The following C1orf21 variants were observed in gnomAD, a reference collection of about 807,000 sequenced individuals.
The protein encoded by C1orf21 is uncharacterized protein C1orf21.
In C1orf21, 3 loss-of-function variants were observed where a neutral mutation model predicts 18.7. That is an observed-to-expected ratio of 0.16 (90% CI 0.07 to 0.42). C1orf21 has a LOEUF of 0.42. C1orf21 is among the 10% of genes least tolerant of loss of function. The pLI is 0.99. For missense variants in C1orf21, 104 were observed against 143.6 expected (o/e 0.72, Z 1.41); for synonymous variants, 41 against 46.4 (o/e 0.88, Z 0.47).
At chr1:184,513,934 G>T (rs890700263) in intron 3 of C1orf21, among the ~76,000 whole-genome samples, 3 of 152,200 alleles carry the variant, frequency 2.0e-5, no homozygotes, top group African/African-American at 4.8e-5. Flanking sequence ...TGTGATCAGT[G>T]CAGAAGGTGA....
At chr1:184,452,172 G>T (rs7550048) in intron 1 of C1orf21, among the ~76,000 whole-genome samples, 4,908 of 152,282 alleles carry the variant, frequency 0.032, 233 homozygotes, top group African/African-American at 0.11. Flanking sequence ...GAAGCTTTTG[G>T]TGGAGAGCTT....
chr1:184,397,511 A>G (rs979797959), intron 1 of C1orf21, among the ~76,000 whole-genome samples: 17 of 150,952 alleles, frequency 1.1e-4, no homozygotes, highest in East Asian at 8.0e-4. Context: ...TCGTGAACCC[A>G]GGAGGCAGAG....
chr1:184,511,629 G>A (rs1658147629), intron 3 of C1orf21, among the ~76,000 whole-genome samples: 1 of 152,192 alleles, frequency 6.6e-6, no homozygotes, highest in Admixed American at 6.5e-5. Context: ...CAAGTTGATG[G>A]CTGAATGCTT....
chr1:184,406,131 T>C (rs2101959481), intron 1 of C1orf21, among the ~76,000 whole-genome samples: 1 of 152,348 alleles, frequency 6.6e-6, no homozygotes, highest in African/African-American at 2.4e-5. Context: ...ACATGTGTTT[T>C]GATTTTTCAC....
At chr1:184,616,671 T>A (rs1017305013) in intron 5 of C1orf21, among the ~76,000 whole-genome samples, 2 of 152,120 alleles carry the variant, frequency 1.3e-5, no homozygotes, top group Admixed American at 6.6e-5. Flanking sequence ...TGTGTGTGCA[T>A]GTGTGCACGT....
At chr1:184,390,481 T>A (rs1655955091) in intron 1 of C1orf21, among the ~76,000 whole-genome samples, 1 of 152,232 alleles carries the variant, frequency 6.6e-6, no homozygotes, top group African/African-American at 2.4e-5. Flanking sequence ...TCCAGTTTTT[T>A]AGGAACATAT....
At chr1:184,573,681 T>C (rs931889989) in intron 3 of C1orf21, among the ~76,000 whole-genome samples, 1 of 152,018 alleles carries the variant, frequency 6.6e-6, no homozygotes, top group Non-Finnish European at 1.5e-5. Context: ...TTTGAAAAAA[T>C]AATATGATAA....
At chr1:184,535,822 G>A (rs905603492) in intron 3 of C1orf21, among the ~76,000 whole-genome samples, 1 of 152,126 alleles carries the variant, frequency 6.6e-6, no homozygotes, top group Non-Finnish European at 1.5e-5. Flanking sequence ...GTGGACTTTA[G>A]GAAATGTACT....
intron 3 of C1orf21, among the ~76,000 whole-genome samples, chr1:184,526,796 C>CGTCA (rs1557994343): frequency 2.0e-5 from 3 of 152,062 alleles, no homozygotes; most frequent in African/African-American, 7.2e-5. Context: ...TCTCAACCCC[C>CGTCA]TTCATTCATT....
At chr1:184,534,971 G>A (rs1182283979) in intron 3 of C1orf21, among the ~76,000 whole-genome samples, 3 of 152,138 alleles carry the variant, frequency 2.0e-5, no homozygotes, top group Non-Finnish European at 4.4e-5. Flanking sequence ...AGCAGTGAGG[G>A]GCTGGATCTG....
At chr1:184,544,513 G>A (rs1474287918) in intron 3 of C1orf21, among the ~76,000 whole-genome samples, 2 of 152,166 alleles carry the variant, frequency 1.3e-5, no homozygotes, top group South Asian at 2.1e-4. Flanking sequence ...GGAAATCAGA[G>A]CCCTTGCTGT....
rs1334488993 is a variant in C1orf21 at position 184,561,854 on chromosome 1, C to T, written c.190-28885C>T. 3.9e-5 allele frequency among the ~76,000 whole-genome samples: 6 copies of T among 152,014 alleles called. No individual in the cohort carries two copies. The South Asian group carries it at 6.2e-4, about 16-fold the overall frequency. On this transcript the variant is annotated intron_variant, in intron 3 of 5. Transcript: ENST00000235307. ...GCTAGTCTCTTGGCCAGGCTGGTCT[C>T]GAACTCCTGACATCATGATCCGCCC...
At chr1:184,462,408 A>AT (rs963582949) in intron 1 of C1orf21, among the ~76,000 whole-genome samples, 47 of 151,954 alleles carry the variant, frequency 3.1e-4, no homozygotes, top group African/African-American at 5.6e-4. Context: ...GCGTTTTGTG[A>AT]TTTTTTTTCT....
intron 2 of C1orf21, among the ~76,000 whole-genome samples, chr1:184,481,885 A>T (rs1301329635): frequency 1.3e-5 from 2 of 152,214 alleles, no homozygotes; most frequent in African/African-American, 2.4e-5. Flanking sequence ...AGTACCCTAG[A>T]TATTACTGAA....
chr1:184,471,257 T>C lies in C1orf21; in HGVS notation c.-124-6129T>C, dbSNP rs12129904. Reference sequence around the variant, plus strand: ...AAGATAGAGAAGAAGAAATAGGGGATCTAAGCTGTGTTTATTTTTCCAGCA... The same window carrying C: ...AAGATAGAGAAGAAGAAATAGGGGACCTAAGCTGTGTTTATTTTTCCAGCA... On this transcript the variant is annotated intron_variant, in intron 1 of 5. Coordinates refer to ENST00000235307, the MANE Select transcript of C1orf21 (RefSeq NM_030806.4). 9.2e-5 allele frequency among the ~76,000 whole-genome samples: 14 copies of C among 151,940 alleles called. No individual in the cohort carries two copies. The East Asian group carries it at 2.7e-3, about 29-fold the overall frequency.
In C1orf21 at chr1:184,619,647, G is replaced by A. The variant is rs990552713; in HGVS notation, c.*91G>A. On this transcript the variant is annotated 3_prime_UTR_variant, in exon 6 of 6. Coordinates refer to ENST00000235307, the MANE Select transcript of C1orf21 (RefSeq NM_030806.4). Reference sequence around the variant, plus strand: ...TTTGCAAAGGTCGGTTCTATTCAGCGAACAGCACTATAGCAAAAGAAGATC... The same window carrying A: ...TTTGCAAAGGTCGGTTCTATTCAGCAAACAGCACTATAGCAAAAGAAGATC... The A allele has an allele frequency of 1.4e-5, 17 of 1,172,674 alleles. No homozygotes were observed. Among genetic ancestry groups the A allele is most frequent in the East Asian group, 2.4e-5 (1 of 41,616 alleles). The allele number at this position is 1,172,674 out of a possible 1,614,324, so 72.6% of individuals were successfully genotyped here.
chr1:184,499,019 T>C (rs760304661), intron 2 of C1orf21, among the ~76,000 whole-genome samples: 31 of 152,230 alleles, frequency 2.0e-4, no homozygotes, highest in Non-Finnish European at 3.4e-4. Context: ...AAATGGGTTA[T>C]ATGTGAAACT....
chr1:184,472,568 C>A (rs1219204925), intron 1 of C1orf21, among the ~76,000 whole-genome samples: 2 of 151,696 alleles, frequency 1.3e-5, no homozygotes, highest in Non-Finnish European at 2.9e-5. Flanking sequence ...TTTCCTGTAG[C>A]CTTTTTTTAA....
intron 2 of C1orf21, among the ~76,000 whole-genome samples, chr1:184,487,653 T>C (rs1657752680): frequency 6.6e-6 from 1 of 152,222 alleles, no homozygotes; most frequent in Admixed American, 6.5e-5. Context: ...CTGGAGATTC[T>C]AATATGGTCA....
Sources: gnomAD v4.1 joint callset for allele counts (sites outside exome capture counted in the v4.1 genomes callset) on GRCh38, gnomAD v4.1.1 for gene constraint, MANE v1.5 for transcripts, NCBI Gene and HGNC (gene_info 2026-07-23, HGNC 2026-07-21) for gene names.